ENTREP1: variants seen among roughly 807,000 people sequenced by gnomAD.
The protein encoded by ENTREP1 is Friedreich ataxia region gene X123.
chr9:69,389,333 A>C, the ENTREP1 span, among the ~76,000 whole-genome samples: 1 of 152,152 alleles, frequency 6.6e-6, no homozygotes, highest in Non-Finnish European at 1.5e-5. Context: ...GATGTAGGTA[A>C]ATTTTCAATT....
At chr9:69,391,344 T>C in the ENTREP1 span, among the ~76,000 whole-genome samples, 2 of 152,184 alleles carry the variant, frequency 1.3e-5, no homozygotes, top group African/African-American at 4.8e-5. Context: ...ATGAGAAGAA[T>C]GTTAAAGCAA....
At chr9:69,348,908 G>A in the ENTREP1 span, among the ~76,000 whole-genome samples, 2 of 152,112 alleles carry the variant, frequency 1.3e-5, no homozygotes, top group Admixed American at 1.3e-4. Flanking sequence ...GCTGGGCCAG[G>A]CATGGTGGCT....
At chr9:69,378,917 G>A in the ENTREP1 span, among the ~76,000 whole-genome samples, 9 of 152,100 alleles carry the variant, frequency 5.9e-5, no homozygotes, top group Non-Finnish European at 1.0e-4. Flanking sequence ...GAAGGATCAC[G>A]GTAATATTCA....
the ENTREP1 span, among the ~76,000 whole-genome samples, chr9:69,341,008 G>A: frequency 6.6e-6 from 1 of 152,284 alleles, no homozygotes; most frequent in East Asian, 1.9e-4. Context: ...ACCTCAGTTA[G>A]AAAACAGAAC....
the ENTREP1 span, among the ~76,000 whole-genome samples, chr9:69,345,123 A>T: frequency 6.6e-6 from 1 of 152,168 alleles, no homozygotes; most frequent in Non-Finnish European, 1.5e-5. Context: ...TGCAAAGTAG[A>T]TGGATTGGTG....
the ENTREP1 span, chr9:69,329,777 T>TGTTTACTAGATTCCACTGGGGTATGGGA: frequency 2.8e-6 from 1 of 361,316 alleles, no homozygotes; most frequent in African/African-American, 2.4e-5. Flanking sequence ...GTGCGTTTAG[T>TGTTTACTAGATTCCACTGGGGTATGGGA]GTTAACTAGA....
chr9:69,377,419 G>T, the ENTREP1 span: 15 of 1,613,946 alleles, frequency 9.3e-6, no homozygotes, highest in Admixed American at 3.3e-5. Flanking sequence ...ACCACCGTCT[G>T]CTTGGTGGCC....
chr9:69,355,066 T>C, the ENTREP1 span, among the ~76,000 whole-genome samples: 3 of 152,344 alleles, frequency 2.0e-5, no homozygotes, highest in East Asian at 3.9e-4. Flanking sequence ...CAGGATGTTA[T>C]CAAGGTTCAC....
At chr9:69,324,643 T>G in the ENTREP1 span, 3 of 985,480 alleles carry the variant, frequency 3.0e-6, no homozygotes, top group Non-Finnish European at 3.6e-6. Flanking sequence ...AGGCACGTCC[T>G]GCGCCCTGTG....
the ENTREP1 span, among the ~76,000 whole-genome samples, chr9:69,359,332 T>C: frequency 1.3e-5 from 2 of 152,170 alleles, no homozygotes; most frequent in Non-Finnish European, 1.5e-5. Context: ...TGAGGTGAGA[T>C]GGTGATATGG....
the ENTREP1 span, chr9:69,383,888 G>C: frequency 6.4e-7 from 1 of 1,567,552 alleles, no homozygotes. Flanking sequence ...AGTTCACTGG[G>C]TCTAATGAGG....
chr9:69,342,485 A>G, the ENTREP1 span, among the ~76,000 whole-genome samples: 9 of 152,286 alleles, frequency 5.9e-5, no homozygotes, highest in Admixed American at 1.3e-4. Flanking sequence ...TGAATGTCCA[A>G]TTCTTTTTCA....
the ENTREP1 span, chr9:69,385,761 C>A: frequency 1.4e-6 from 2 of 1,409,628 alleles, 1 homozygote; most frequent in South Asian, 3.0e-5. Flanking sequence ...TATGTTTCGC[C>A]TCTTTTTTTT....
chr9:69,383,794 A>AC, the ENTREP1 span: 1 of 1,613,480 alleles, frequency 6.2e-7, no homozygotes, highest in Non-Finnish European at 8.5e-7. Flanking sequence ...AAGTACATTG[A>AC]CTGCAAGTGG....
At chr9:69,353,950 C>T in the ENTREP1 span, among the ~76,000 whole-genome samples, 373 of 152,228 alleles carry the variant, frequency 2.5e-3, no homozygotes, top group African/African-American at 8.3e-3. Flanking sequence ...TACCCATTGC[C>T]CAGCTACAAC....
chr9:69,336,932 T>G, the ENTREP1 span, among the ~76,000 whole-genome samples: 1 of 150,920 alleles, frequency 6.6e-6, no homozygotes, highest in East Asian at 2.0e-4. Flanking sequence ...ACTCCTGACC[T>G]CGTGATCCTC....
At chr9:69,327,122 C>T in the ENTREP1 span, among the ~76,000 whole-genome samples, 11 of 152,254 alleles carry the variant, frequency 7.2e-5, no homozygotes, top group East Asian at 2.1e-3. Flanking sequence ...ATACTTCATC[C>T]AGTGTCAGTT....
At chr9:69,376,413 A>G in the ENTREP1 span, among the ~76,000 whole-genome samples, 1 of 152,234 alleles carries the variant, frequency 6.6e-6, no homozygotes, top group Non-Finnish European at 1.5e-5. Context: ...AGCCAAAGGT[A>G]TTAAACAAAC....
At chr9:69,366,528 A>G in the ENTREP1 span, among the ~76,000 whole-genome samples, 1 of 151,636 alleles carries the variant, frequency 6.6e-6, no homozygotes, top group Admixed American at 6.6e-5. Context: ...GCTTCACAGG[A>G]GCTTTTTAGT....
Sources: gnomAD v4.1 joint callset for allele counts (sites outside exome capture counted in the v4.1 genomes callset) on GRCh38, gnomAD v4.1.1 for gene constraint, MANE v1.5 for transcripts, NCBI Gene and HGNC (gene_info 2026-07-23, HGNC 2026-07-21) for gene names.